Variants in ADSS2 observed in about 807,000 individuals in gnomAD.
The protein encoded by ADSS2 is adenylosuccinate synthase 2, also known as adenylosuccinate synthetase isozyme 2.
In ADSS2, 30 loss-of-function variants were observed where a neutral mutation model predicts 60.0. That is an observed-to-expected ratio of 0.50 (90% confidence interval 0.37 to 0.68). The LOEUF (loss-of-function observed/expected upper bound fraction) is 0.68. Among genes scored for constraint, ADSS2 ranks in the 30% least tolerant of loss-of-function variants. The pLI is 0.00. For synonymous variants in ADSS2, 187 were observed against 193.1 expected, an observed-to-expected ratio of 0.97 and a Z score of 0.26; for missense variants, 373 against 554.8, an observed-to-expected ratio of 0.67 and a Z score of 3.29.
intron 10 of ADSS2, among the ~76,000 whole-genome samples, chr1:244,417,240 G>A (rs948556231): frequency 2.6e-5 from 4 of 152,182 alleles, no homozygotes; most frequent in African/African-American, 9.7e-5. Flanking sequence ...ATAATGCACA[G>A]ATCTGAGATC....
chr1:244,451,765 C>G lies in ADSS2; in HGVS notation c.53G>C (p.Cys18Ser), dbSNP rs778431758. 1.2e-6 allele frequency: 2 copies of G among 1,600,916 alleles called. No homozygotes were observed. The highest frequency in any genetic ancestry group is 1.7e-6 in the Non-Finnish European group (2 of 1,174,332). The change falls in exon 1 of 13, where the codon TGC (cysteine) becomes TCC (serine). Residue 18 changes from cysteine (C) to serine (S), a missense_variant. Physicochemically the swap from Cys to Ser is moderately radical, Grantham distance 112. Coordinates refer to ENST00000366535, the MANE Select transcript of ADSS2 (RefSeq NM_001126.5). This position sits in a 1 kb window ranked among gnomAD's most constrained non-coding sequence, Gnocchi z 6.6. ...TCCGGGCCGCGCCCTGGGGCGGCCG[C>G]AATCGCCGTTGGGCAGGGAGGATGC... is the stretch of plus-strand genomic sequence containing the variant. ...PAASSLPNGD[C>S]GRPRARPGGN...
intron 4 of ADSS2, among the ~76,000 whole-genome samples, chr1:244,429,189 G>A (rs972477119): frequency 6.6e-6 from 1 of 152,154 alleles, no homozygotes; most frequent in African/African-American, 2.4e-5. Context: ...CTAATGACCG[G>A]AAAGGAAATC....
chr1:244,417,018 A>C (rs777658569), intron 10 of ADSS2, among the ~76,000 whole-genome samples: 1 of 152,214 alleles, frequency 6.6e-6, no homozygotes, highest in Non-Finnish European at 1.5e-5. Flanking sequence ...TACAGATATG[A>C]ATACATTTAT....
chr1:244,424,176 G>T (rs1664742216), intron 5 of ADSS2, 116 bp from the exon 6 acceptor site: 3 of 1,180,142 alleles, frequency 2.5e-6, no homozygotes, highest in Non-Finnish European at 3.6e-6. Context: ...GTTATTTCTT[G>T]CTAAGTATAT....
intron 10 of ADSS2, among the ~76,000 whole-genome samples, chr1:244,417,325 G>A (rs1483082330): frequency 6.6e-6 from 1 of 152,082 alleles, no homozygotes; most frequent in East Asian, 1.9e-4. Context: ...ACATGCTCAT[G>A]GTGTCTGTGC....
chr1:244,444,244 G>A (rs570990030), intron 1 of ADSS2, among the ~76,000 whole-genome samples: 9 of 151,938 alleles, frequency 5.9e-5, no homozygotes, highest in South Asian at 2.1e-4. Flanking sequence ...GGCCGGGCGC[G>A]GTGGCTCACG....
At chr1:244,428,696 C>A (rs1227674667) in intron 4 of ADSS2, among the ~76,000 whole-genome samples, 2 of 151,352 alleles carry the variant, frequency 1.3e-5, no homozygotes, top group Non-Finnish European at 1.5e-5. Context: ...AAAAAAAAAT[C>A]AAAAACCCAC....
At chr1:244,437,887 T>C in intron 1 of ADSS2, 119 bp from the exon 2 acceptor site, 1 of 746,890 alleles carries the variant, frequency 1.3e-6, no homozygotes, top group East Asian at 2.5e-5. Flanking sequence ...GCCCAAATAT[T>C]TACCACCTCT....
chr1:244,428,651 A>G (rs546703220), intron 4 of ADSS2, among the ~76,000 whole-genome samples: 3 of 152,120 alleles, frequency 2.0e-5, no homozygotes, highest in African/African-American at 7.2e-5. Flanking sequence ...GAACCCAGTG[A>G]AACAGAAAAT....
At chr1:244,437,345 A>G (rs1665130415) in intron 2 of ADSS2, among the ~76,000 whole-genome samples, 1 of 152,200 alleles carries the variant, frequency 6.6e-6, no homozygotes, top group Non-Finnish European at 1.5e-5. Flanking sequence ...TCTTACTATG[A>G]GTCATGGTTG....
chr1:244,437,028 A>C (rs1486355994), intron 2 of ADSS2, 135 bp from the exon 3 acceptor site: 1 of 652,730 alleles, frequency 1.5e-6, no homozygotes, highest in African/African-American at 1.8e-5. Context: ...ATTTAAATAC[A>C]TAATGGAACA....
chr1:244,427,441 GA>G (rs1432401112), intron 4 of ADSS2, among the ~76,000 whole-genome samples: 3 of 152,020 alleles, frequency 2.0e-5, no homozygotes, highest in Non-Finnish European at 4.4e-5. Context: ...AAAAGAAAAC[GA>G]AGGGCAGACA....
intron 4 of ADSS2, among the ~76,000 whole-genome samples, chr1:244,429,580 A>G (rs1664883925): frequency 6.6e-6 from 1 of 152,172 alleles, no homozygotes; most frequent in African/African-American, 2.4e-5. Context: ...TCACTATTAT[A>G]GAATTGACTA....
intron 10 of ADSS2, among the ~76,000 whole-genome samples, chr1:244,416,420 C>G (rs1474184729): frequency 1.3e-5 from 2 of 152,174 alleles, no homozygotes; most frequent in African/African-American, 4.8e-5. Flanking sequence ...CGGGCTCAAG[C>G]AATCCTTGCA....
At chr1:244,448,568 T>C (rs1180020431) in intron 1 of ADSS2, among the ~76,000 whole-genome samples, 1 of 152,224 alleles carries the variant, frequency 6.6e-6, no homozygotes, top group African/African-American at 2.4e-5. Context: ...CCACCGAAGT[T>C]ACTTTCCTCA....
At chr1:244,421,371 G>T (rs770724220) in intron 7 of ADSS2, among the ~76,000 whole-genome samples, 7 of 152,138 alleles carry the variant, frequency 4.6e-5, no homozygotes, top group African/African-American at 7.2e-5. Context: ...ATCTACTCAT[G>T]AACCCACCTG....
rs1665014326 is a variant in ADSS2 at position 244,433,858 on chromosome 1, T to TCAA, written c.356-1264_356-1263insTTG. Among the ~76,000 whole-genome samples, 4 of 108,898 alleles carry TCAA rather than the reference T, an allele frequency of 3.7e-5. No individual in the cohort carries two copies. In the Admixed American group the frequency reaches 4.5e-4, roughly 12 times the overall value. 71.4% of individuals were successfully genotyped at this position (108,898 alleles called of 152,430 possible). Reference sequence around the variant, plus strand: ...CTGGCAACAGAGCAAGACTCCATCTTTAAAAAAAAAAAAAAAAAAAAAAAA... The same window carrying TCAA: ...CTGGCAACAGAGCAAGACTCCATCTTCAATAAAAAAAAAAAAAAAAAAAAAAAA... On this transcript the variant is annotated intron_variant, in intron 3 of 12. Transcript: ENST00000366535.
intron 1 of ADSS2, among the ~76,000 whole-genome samples, chr1:244,445,853 C>G (rs1036148997): frequency 2.6e-5 from 4 of 152,156 alleles, no homozygotes; most frequent in African/African-American, 9.7e-5. Flanking sequence ...GGTCTCTTTT[C>G]CAGAATACAG....
At chr1:244,434,070 T>C (rs1452092213) in intron 3 of ADSS2, among the ~76,000 whole-genome samples, 1 of 150,818 alleles carries the variant, frequency 6.6e-6, no homozygotes, top group Non-Finnish European at 1.5e-5. Context: ...TACTTTTGGC[T>C]GAGAGCAGTG....
Sources: allele counts gnomAD v4.1 joint callset (sites outside exome capture counted in the v4.1 genomes callset), GRCh38; gene constraint gnomAD v4.1.1; non-coding constraint Gnocchi (gnomAD v3.1); transcripts MANE v1.5; gene names NCBI Gene and HGNC (gene_info 2026-07-23, HGNC 2026-07-21).